Variants in PTPRD observed in about 807,000 individuals in gnomAD.
PTPRD encodes the protein protein tyrosine phosphatase receptor type D, also known as receptor-type tyrosine-protein phosphatase delta.
Under a neutral mutation model 214.5 loss-of-function variants are expected in PTPRD, and 34 were observed. The observed-to-expected ratio is 0.16, with a 90% CI of 0.12 to 0.21. The LOEUF (loss-of-function observed/expected upper bound fraction) is 0.21. Among genes scored for constraint, PTPRD ranks in the 10% least tolerant of loss-of-function variants. The pLI, the probability that PTPRD is intolerant of heterozygous loss-of-function variation, is 1.00. For missense variants in PTPRD, 2,545 were observed against 2,398.7 expected (o/e 1.06, Z -1.27); for synonymous variants, 1,128 against 845.7 (o/e 1.33, Z -5.79).
intron 3 of PTPRD, among the ~76,000 whole-genome samples, chr9:10,240,067 C>T (rs1045069589): frequency 6.6e-6 from 1 of 151,952 alleles, no homozygotes; most frequent in African/African-American, 2.4e-5. Context: ...TCTAAACAGA[C>T]AGGCCTTGCT....
intron 14 of PTPRD, among the ~76,000 whole-genome samples, chr9:8,544,352 G>C (rs2140337602): frequency 6.6e-6 from 1 of 151,318 alleles, no homozygotes; most frequent in Middle Eastern, 3.4e-3. Context: ...AAAGTGCTGG[G>C]ATTACAGGCA....
chr9:10,536,643 T>C (rs1230214163), intron 2 of PTPRD, among the ~76,000 whole-genome samples: 1 of 152,080 alleles, frequency 6.6e-6, no homozygotes, highest in Non-Finnish European at 1.5e-5. Flanking sequence ...GTGTAAAAAA[T>C]GCACACTCCA....
chr9:8,433,498 G>A (rs1219555423), intron 35 of PTPRD, among the ~76,000 whole-genome samples: 1 of 152,176 alleles, frequency 6.6e-6, no homozygotes, highest in Non-Finnish European at 1.5e-5. Flanking sequence ...GCTCCAGGCT[G>A]TCACCCTGAA....
At chr9:8,553,698 T>C (rs1172644802) in intron 14 of PTPRD, among the ~76,000 whole-genome samples, 1 of 152,156 alleles carries the variant, frequency 6.6e-6, no homozygotes, top group African/African-American at 2.4e-5. Flanking sequence ...GCGTCTAAAA[T>C]GTATGTTCTC....
At chr9:9,775,610 T>C (rs757119716) in intron 5 of PTPRD, among the ~76,000 whole-genome samples, 1 of 152,166 alleles carries the variant, frequency 6.6e-6, no homozygotes, top group Non-Finnish European at 1.5e-5. Context: ...TTTATCTTCA[T>C]CCAATCTCCC....
intron 10 of PTPRD, among the ~76,000 whole-genome samples, chr9:9,146,866 T>C (rs2099869433): frequency 1.3e-5 from 2 of 152,176 alleles, no homozygotes; most frequent in Non-Finnish European, 2.9e-5. Context: ...TACTAGTGCT[T>C]ACTAACTCCA....
At chr9:10,144,825 G>C (rs1036508614) in intron 3 of PTPRD, among the ~76,000 whole-genome samples, 1 of 152,048 alleles carries the variant, frequency 6.6e-6, no homozygotes, top group Non-Finnish European at 1.5e-5. Context: ...ATTTCAGAAT[G>C]AAATTTGGCA....
chr9:9,065,736 A>C, intron 10 of PTPRD, among the ~76,000 whole-genome samples: 1 of 152,238 alleles, frequency 6.6e-6, no homozygotes, highest in South Asian at 2.1e-4. Context: ...TCTCAAGTCA[A>C]ATTCTCTTCC....
At chr9:10,330,140 G>T (rs2154433871) in intron 3 of PTPRD, among the ~76,000 whole-genome samples, 1 of 151,742 alleles carries the variant, frequency 6.6e-6, no homozygotes, top group African/African-American at 2.4e-5. Context: ...CTCTGTCACA[G>T]GAAACTTAAA....
At chr9:10,075,907 C>T (rs1327826845) in intron 3 of PTPRD, among the ~76,000 whole-genome samples, 1 of 152,138 alleles carries the variant, frequency 6.6e-6, no homozygotes, top group Non-Finnish European at 1.5e-5. Flanking sequence ...TTTTCTTCTA[C>T]ATAAATGCTT....
intron 2 of PTPRD, among the ~76,000 whole-genome samples, chr9:10,492,172 T>A (rs556357918): frequency 5.9e-5 from 9 of 152,296 alleles, no homozygotes; most frequent in Admixed American, 5.9e-4. Context: ...ACAATAAATA[T>A]ATGTGTGTAT....
chr9:10,174,980 T>C (rs2099237985), intron 3 of PTPRD, among the ~76,000 whole-genome samples: 1 of 152,112 alleles, frequency 6.6e-6, no homozygotes. Context: ...CTTGAGATTG[T>C]CTATTATTAA....
At chr9:9,805,463 G>A (rs1263540763) in intron 5 of PTPRD, among the ~76,000 whole-genome samples, 1 of 152,128 alleles carries the variant, frequency 6.6e-6, no homozygotes, top group Non-Finnish European at 1.5e-5. Flanking sequence ...GATCAACTCT[G>A]TACCAGCTCA....
At chr9:8,701,911 TA>T (rs1342000801) in intron 12 of PTPRD, among the ~76,000 whole-genome samples, 1 of 152,240 alleles carries the variant, frequency 6.6e-6, no homozygotes, top group Non-Finnish European at 1.5e-5. Flanking sequence ...CTCAATGTAT[TA>T]AATGTCGTTC....
chr9:10,209,888 A>G (rs1405740633), intron 3 of PTPRD, among the ~76,000 whole-genome samples: 2 of 152,182 alleles, frequency 1.3e-5, no homozygotes, highest in Non-Finnish European at 2.9e-5. Context: ...GGCCAGAAAT[A>G]ATGTAAATCT....
At chr9:9,759,953 C>A (rs773891981) in intron 6 of PTPRD, among the ~76,000 whole-genome samples, 1 of 152,254 alleles carries the variant, frequency 6.6e-6, no homozygotes, top group South Asian at 2.1e-4. Flanking sequence ...ATATATCTTT[C>A]TTTCCTTCTC....
intron 8 of PTPRD, among the ~76,000 whole-genome samples, chr9:9,501,231 G>C (rs952581352): frequency 2.0e-5 from 3 of 151,824 alleles, no homozygotes; most frequent in African/African-American, 7.3e-5. Context: ...ACAAATAAGA[G>C]TCACTAAAAT....
intron 11 of PTPRD, among the ~76,000 whole-genome samples, chr9:8,995,610 T>A (rs1346328118): frequency 1.3e-5 from 2 of 152,002 alleles, no homozygotes; most frequent in Non-Finnish European, 2.9e-5. Flanking sequence ...CATTTCCATA[T>A]CAATTAATGT....
At chr9:9,161,002 A>C (rs1016960456) in intron 10 of PTPRD, among the ~76,000 whole-genome samples, 5 of 152,260 alleles carry the variant, frequency 3.3e-5, no homozygotes, top group South Asian at 2.1e-4. Context: ...ATAGAAGTAG[A>C]GAGTAAAACA....
Sources: gnomAD v4.1 joint callset for allele counts (sites outside exome capture counted in the v4.1 genomes callset) on GRCh38, gnomAD v4.1.1 for gene constraint, MANE v1.5 for transcripts, NCBI Gene and HGNC (gene_info 2026-07-23, HGNC 2026-07-21) for gene names.